The following AIFM1 variants were observed in gnomAD, a reference collection of about 807,000 sequenced individuals.
The protein encoded by AIFM1 is apoptosis inducing factor mitochondria associated 1, also known as apoptosis-inducing factor 1, mitochondrial.
AIFM1 carries 3 observed loss-of-function variants against 51.7 expected under a neutral mutation model. That is an observed-to-expected ratio of 0.06 (90% confidence interval 0.03 to 0.15). AIFM1 has a LOEUF of 0.15. AIFM1 is among the 10% of genes least tolerant of loss of function. The pLI is 1.00. For missense variants in AIFM1, 330 were observed against 476.8 expected, an observed-to-expected ratio of 0.69 and a Z score of 2.87; for synonymous variants, 178 against 179.4, an observed-to-expected ratio of 0.99 and a Z score of 0.06.
Position 130,137,177 on chromosome X carries a change from A to C in AIFM1, c.976T>G (p.Leu326Val). The change falls in exon 10 of 16, where the codon TTG (leucine) becomes GTG (valine). Residue 326 changes from leucine (L) to valine (V), a missense_variant. Leu to Val is a conservative substitution (Grantham distance 32). Around this residue, in one of 4 missense-constraint regions of AIFM1, gnomAD observed 152 missense variants for 292.8 expected, o/e 0.52. Coordinates refer to ENST00000287295, the MANE Select transcript of AIFM1 (RefSeq NM_004208.4). ...ACALGRKARA[L>V]GTEVIQLFPE... The stretch of plus-strand genomic sequence containing the variant: ...AAGAGTTGAATCACTTCTGTGCCCA[A>C]GGCTCGAGCTGGGAAGAAGAAACAG... 1.7e-6 allele frequency: 2 copies of C among 1,211,147 alleles called. No homozygotes were observed. Among genetic ancestry groups the C allele is most frequent in the Non-Finnish European group, 2.2e-6 (2 of 895,380 alleles).
intron 12 of AIFM1, among the ~76,000 whole-genome samples, 174 bp from the exon 13 acceptor site, chrX:130,133,629 A>C (rs1254368296): frequency 1.4e-5 from 1 of 73,533 alleles, no homozygotes; most frequent in Non-Finnish European, 2.5e-5. Flanking sequence ...AACCCATTTA[A>C]ATTTTTTTTT....
At chrX:130,153,465 T>A (rs1435858675) in intron 2 of AIFM1, among the ~76,000 whole-genome samples, 1 of 111,024 alleles carries the variant, frequency 9.0e-6, no homozygotes, top group Non-Finnish European at 1.9e-5. Context: ...TAGTTATACT[T>A]AAGTTAGGAA....
intron 2 of AIFM1, among the ~76,000 whole-genome samples, chrX:130,154,499 G>C (rs2124672249): frequency 8.9e-6 from 1 of 112,509 alleles, no homozygotes; most frequent in African/African-American, 3.2e-5. Flanking sequence ...TTACGAATGA[G>C]AGGCATTACA....
Position 130,133,390 on chromosome X carries a change from G to A in AIFM1, c.1371C>T (p.His457=), listed in dbSNP as rs1278945294. ...LGRRRVEHHD[H]AVVSGRLAGE... is the part of the protein sequence containing the mutation. ...CAGCCAATCTTCCACTCACAACAGC[G>A]TGATCATGGTGCTCTACCCGCCTCC... The change falls in exon 13 of 16, where the codon CAC becomes CAT. Residue 457 remains histidine, a synonymous_variant. Coordinates refer to ENST00000287295, the MANE Select transcript of AIFM1 (RefSeq NM_004208.4). 5.8e-6 allele frequency: 7 copies of A among 1,208,083 alleles called. No individual in the cohort carries two copies. The highest frequency in any genetic ancestry group is 3.0e-5 in the East Asian group (1 of 33,724).
At chrX:130,135,246 C>T (rs2030278046) in intron 12 of AIFM1, among the ~76,000 whole-genome samples, 1 of 108,873 alleles carries the variant, frequency 9.2e-6, no homozygotes, top group Non-Finnish European at 1.9e-5. Flanking sequence ...GCCACCACAC[C>T]CGGCTAATTT....
intron 7 of AIFM1, 120 bp from the exon 8 acceptor site, chrX:130,139,991 A>G: frequency 4.8e-6 from 3 of 619,480 alleles, no homozygotes; most frequent in South Asian, 2.3e-5. Flanking sequence ...CAACAACAGG[A>G]TAGGATACCA....
In AIFM1 at chrX:130,138,621, G is replaced by A. The variant is rs768118991; in HGVS notation, c.939C>T (p.Ser313=). 1.8e-5 allele frequency: 22 copies of A among 1,207,708 alleles called. No homozygotes were observed. The highest frequency in any genetic ancestry group is 1.2e-4 in the African/African-American group (7 of 56,959). The change falls in exon 9 of 16, where the codon AGC becomes AGT. Residue 313 remains serine (S), a synonymous_variant. Transcript: ENST00000287295. ...TTCTGCCAAGAGCACAGGCCAGTTC[G>A]CTACCAAGGAAGCCCCCACCGATAA... is the stretch of plus-strand genomic sequence containing the variant. ...ITIIGGGFLG[S]ELACALGRKA... is the part of the protein sequence containing the mutation.
Position 130,131,807 on chromosome X carries a change from G to A in AIFM1, c.1449-8C>T. 1 of 1,210,745 alleles carries A rather than the reference G, an allele frequency of 8.3e-7. No individual in the cohort carries two copies. Among genetic ancestry groups the A allele is most frequent in the Non-Finnish European group, 1.1e-6 (1 of 894,471 alleles). On this transcript the variant is annotated splice_polypyrimidine_tract_variant and splice_region_variant and intron_variant, in intron 13 of 15. Transcript: ENST00000287295. ...TCGGGGCCCAAATCACTCCTAAGAA[G>A]AGAGAAGAGGGTGTTCTGTCAAGGG...
chrX:130,129,918 G>A, intron 15 of AIFM1, 52 bp downstream of exon 15: 1 of 1,190,277 alleles, frequency 8.4e-7, no homozygotes, highest in African/African-American at 1.7e-5. Context: ...TTACAGGAAT[G>A]TTTCTAAGCC....
At chrX:130,160,686 G>A (rs775675799) in intron 1 of AIFM1, among the ~76,000 whole-genome samples, 1 of 111,352 alleles carries the variant, frequency 9.0e-6, no homozygotes, top group South Asian at 3.7e-4. Context: ...CAGAATAGCT[G>A]GGACTACAGG....
intron 9 of AIFM1, 128 bp downstream of exon 9, chrX:130,138,464 CA>C (rs1454463529): frequency 3.6e-4 from 185 of 517,369 alleles, no homozygotes; most frequent in Middle Eastern, 7.7e-4. Flanking sequence ...GACTCCATCT[CA>C]AAAAAAAATA....
intron 2 of AIFM1, among the ~76,000 whole-genome samples, chrX:130,155,445 T>C (rs2031133635): frequency 8.9e-6 from 1 of 112,528 alleles, no homozygotes; most frequent in African/African-American, 3.2e-5. Context: ...AGAATGTGTA[T>C]TTCATCAAAC....
intron 2 of AIFM1, among the ~76,000 whole-genome samples, chrX:130,151,147 CTT>C (rs1167147342): frequency 9.9e-6 from 1 of 101,465 alleles, no homozygotes. Context: ...ATATTCTTTT[CTT>C]TTTTTTTTTG....
intron 9 of AIFM1, chrX:130,137,624 T>C (rs934602986): frequency 2.7e-6 from 3 of 1,126,587 alleles, no homozygotes; most frequent in Admixed American, 3.1e-5. Context: ...AAAGAAGTTT[T>C]TGGCATTTTA....
intron 14 of AIFM1, among the ~76,000 whole-genome samples, chrX:130,130,374 G>A (rs2030015526): frequency 8.9e-6 from 1 of 111,791 alleles, no homozygotes; most frequent in South Asian, 3.8e-4. Flanking sequence ...TTCCTTGCCA[G>A]CTCCTGGGCA....
chrX:130,163,853 G>C (rs1461806054), intron 1 of AIFM1, among the ~76,000 whole-genome samples: 1 of 111,319 alleles, frequency 9.0e-6, no homozygotes, highest in African/African-American at 3.3e-5. Context: ...AGGCCAGTGT[G>C]GATGAAAAAA....
At chrX:130,148,002 T>G in intron 3 of AIFM1, 126 bp from the exon 4 acceptor site, 26 of 807,826 alleles carry the variant, frequency 3.2e-5, no homozygotes, top group Non-Finnish European at 4.8e-5. Flanking sequence ...ACATATGACC[T>G]ACGCTAATCT....
rs2124644072 is a variant in AIFM1, at chrX:130,130,037, A to C, written c.1703T>G (p.Leu568Arg). ...EDYGKGVIFY[L>R]RDKVVVGIVL... ...AATCCCCACGACCACTTTGTCCCTGAGGTAGAAGATGACACCTTTGCCGTA... is the reference window on the plus strand; with the variant it reads ...AATCCCCACGACCACTTTGTCCCTGCGGTAGAAGATGACACCTTTGCCGTA... The change falls in exon 15 of 16, where the codon CTC becomes CGC. Residue 568 changes from leucine to arginine, a missense_variant. By Grantham distance (102) the Leu-to-Arg change is moderately radical. This residue lies in a region of AIFM1 where 56 missense variants were observed against 48.8 expected (regional missense o/e 1.15). Transcript: ENST00000287295. 1.7e-6 allele frequency: 2 copies of C among 1,211,655 alleles called. No individual in the cohort carries two copies. The highest frequency in any genetic ancestry group is 1.1e-6 in the Non-Finnish European group (1 of 895,497).
At chrX:130,162,154 A>G (rs2031372960) in intron 1 of AIFM1, among the ~76,000 whole-genome samples, 1 of 112,252 alleles carries the variant, frequency 8.9e-6, no homozygotes, top group South Asian at 3.7e-4. Context: ...AATAAATAGG[A>G]CATAATCCAT....
Sources: allele counts gnomAD v4.1 joint callset (sites outside exome capture counted in the v4.1 genomes callset), GRCh38; gene constraint gnomAD v4.1.1; regional missense constraint gnomAD v4.1.1; transcripts MANE v1.5; gene names NCBI Gene and HGNC (gene_info 2026-07-23, HGNC 2026-07-21).